NEMP2: variants seen among roughly 807,000 people sequenced by gnomAD.
The protein encoded by NEMP2 is nuclear envelope integral membrane protein 2.
A neutral mutation model predicts 54.2 loss-of-function variants in NEMP2; 53 were observed. The observed-to-expected ratio is 0.98, with a 90% CI of 0.78 to 1.23. The LOEUF is 1.23. Ranked by LOEUF, NEMP2 falls within the 50% of genes most tolerant of loss-of-function variation. The pLI is 0.00. For missense variants in NEMP2, 455 were observed against 511.3 expected, an observed-to-expected ratio of 0.89 and a Z score of 1.06; for synonymous variants, 197 against 190.3, an observed-to-expected ratio of 1.04 and a Z score of -0.29.
the NEMP2 span, among the ~76,000 whole-genome samples, chr2:190,456,686 C>G: frequency 6.6e-6 from 1 of 152,224 alleles, no homozygotes; most frequent in East Asian, 1.9e-4. The surrounding 1 kb of genome is among the most constrained non-coding windows in gnomAD (Gnocchi z 5.4). Flanking sequence ...GCATCCACTT[C>G]TGATTATTTA....
chr2:190,454,863 T>C, the NEMP2 span, among the ~76,000 whole-genome samples: 3 of 151,970 alleles, frequency 2.0e-5, no homozygotes, highest in Non-Finnish European at 4.4e-5. This position sits in a 1 kb window ranked among gnomAD's most constrained non-coding sequence, Gnocchi z 4.6. Flanking sequence ...CATAGTGGGA[T>C]GATGGTAGGA....
the NEMP2 span, among the ~76,000 whole-genome samples, chr2:190,471,275 G>A: frequency 6.6e-6 from 1 of 152,216 alleles, no homozygotes; most frequent in Non-Finnish European, 1.5e-5. The surrounding 1 kb of genome is among the most constrained non-coding windows in gnomAD (Gnocchi z 4.7). Flanking sequence ...GTGAGCGTGA[G>A]CTGAAGCAGG....
the NEMP2 span, among the ~76,000 whole-genome samples, chr2:190,483,532 T>C: frequency 6.6e-6 from 1 of 152,132 alleles, no homozygotes; most frequent in African/African-American, 2.4e-5. Flanking sequence ...AGTAAGCTGA[T>C]GTGATAATAT....
At chr2:190,477,844 G>A in the NEMP2 span, among the ~76,000 whole-genome samples, 2 of 152,168 alleles carry the variant, frequency 1.3e-5, no homozygotes. Context: ...GTGGGAGGAT[G>A]AAGACTGTAT....
chr2:190,473,614 A>T, the NEMP2 span, among the ~76,000 whole-genome samples: 1 of 152,162 alleles, frequency 6.6e-6, no homozygotes, highest in Non-Finnish European at 1.5e-5. Context: ...CTCCCACACA[A>T]TAATAATTGG....
the NEMP2 span, among the ~76,000 whole-genome samples, chr2:190,475,820 G>A: frequency 1.3e-5 from 2 of 152,126 alleles, no homozygotes; most frequent in Admixed American, 6.5e-5. Flanking sequence ...TATACTACAA[G>A]CCTACAGTAA....
the NEMP2 span, chr2:190,477,109 A>T: frequency 4.8e-6 from 1 of 207,616 alleles, no homozygotes; most frequent in African/African-American, 2.4e-5. Flanking sequence ...ATGTTAAATG[A>T]CGAGTTAATG....
chr2:190,474,313 C>T, the NEMP2 span, among the ~76,000 whole-genome samples: 241 of 151,676 alleles, frequency 1.6e-3, 2 homozygotes, highest in African/African-American at 3.5e-3. Context: ...ATTGATAGAC[C>T]GCTAGCAAGA....
At chr2:190,631,620 T>C in the NEMP2 span, among the ~76,000 whole-genome samples, 1 of 152,264 alleles carries the variant, frequency 6.6e-6, no homozygotes, top group Admixed American at 6.5e-5. Flanking sequence ...AATATTTGGA[T>C]AATATAGATC....
At position 190,524,550 on chromosome 2, in the gene NEMP2, G is replaced by A. The variant is rs139268546; in HGVS notation, c.213+713C>T. ...ACACCCTTCCCCCCAGTACCTTGTT[G>A]GTTAACTCACTCCACTGAAATCTTC... On this transcript the variant is annotated intron_variant, in intron 2 of 8. Transcript: ENST00000409150. 6.7e-3 allele frequency among the ~76,000 whole-genome samples: 1,020 copies of A among 152,180 alleles called. 8 individuals carry two copies. Among genetic ancestry groups the A allele is most frequent in the South Asian group, 0.025 (120 of 4,798 alleles).
At chr2:190,516,506 A>G (rs1357718344) in intron 5 of NEMP2, 122 bp from the exon 6 acceptor site, 4 of 702,138 alleles carry the variant, frequency 5.7e-6, no homozygotes, top group Non-Finnish European at 9.4e-6. Context: ...AAGTCAATTT[A>G]AGAAACTCCC....
chr2:190,503,069 T>A (rs571516533), downstream of NEMP2, among the ~76,000 whole-genome samples: 1 of 152,332 alleles, frequency 6.6e-6, no homozygotes, highest in South Asian at 2.1e-4. This position sits in a 1 kb window ranked among gnomAD's most constrained non-coding sequence, Gnocchi z 6.3. Context: ...TTACCATACA[T>A]GCCTGATATG....
At chr2:190,537,469 TCTCTC>T (rs1334921383), upstream of NEMP2, among the ~76,000 whole-genome samples, 1 of 152,182 alleles carries the variant, frequency 6.6e-6, no homozygotes, top group African/African-American at 2.4e-5. Context: ...ACTCAGCACT[TCTCTC>T]CTGCTGCCTT....
chr2:190,534,635 C>A lies in NEMP2; in HGVS notation c.21G>T (p.Arg7=). 1 of 1,346,530 alleles carries A rather than the reference C, an allele frequency of 7.4e-7. No homozygotes were observed. Among genetic ancestry groups the A allele is most frequent in the Non-Finnish European group, 9.5e-7 (1 of 1,053,458 alleles). 83.4% of individuals were successfully genotyped at this position (1,346,530 alleles called of 1,614,324 possible). The change falls in exon 1 of 9, where the codon CGG becomes CGT. Residue 7 remains arginine, a synonymous_variant. Transcript: ENST00000409150. MGPRQG[R]WWLLLWLPPL... The stretch of plus-strand genomic sequence containing the variant: ...GCGGCAGCCAGAGCAGCAGCCACCA[C>A]CGCCCTTGGCGCGGCCCCATTTCGT...
the NEMP2 span, chr2:190,477,225 A>G: frequency 2.0e-6 from 2 of 976,728 alleles, no homozygotes; most frequent in Non-Finnish European, 2.4e-6. Context: ...ACAATGCATT[A>G]AACAGGAACT....
In NEMP2 at chr2:190,529,130, TCACAC is replaced by T. The variant is rs1691050510; in HGVS notation, c.98-3757_98-3753del. Among the ~76,000 whole-genome samples, 1 of 152,126 alleles carries T rather than the reference TCACAC, an allele frequency of 6.6e-6. No individual in the cohort carries two copies. The highest frequency in any genetic ancestry group is 2.4e-5 in the African/African-American group (1 of 41,406). ...GAGGCGAGGTTGCAGTGAGCTGAGA[TCACAC>T]CACTGCACTCCAGCCTGGGCGACAG... On this transcript the variant is annotated intron_variant, in intron 1 of 8. Coordinates refer to ENST00000409150, the MANE Select transcript of NEMP2 (RefSeq NM_001142645.2). The surrounding 1 kb of genome is among the most constrained non-coding windows in gnomAD (Gnocchi z 4.7).
At chr2:190,428,166 A>G in the NEMP2 span, among the ~76,000 whole-genome samples, 1 of 152,082 alleles carries the variant, frequency 6.6e-6, no homozygotes, top group Admixed American at 6.5e-5. Context: ...CATCCTTGTC[A>G]CTGCATGTAG....
chr2:190,534,398 G>C (rs1451766224), intron 1 of NEMP2, 161 bp downstream of exon 1: 4 of 1,211,470 alleles, frequency 3.3e-6, no homozygotes, highest in Non-Finnish European at 4.1e-6. Flanking sequence ...GACAGGAAGG[G>C]CGGGCGGGGC....
At chr2:190,430,794 AGGCGC>A in the NEMP2 span, among the ~76,000 whole-genome samples, 1 of 64,406 alleles carries the variant, frequency 1.6e-5, no homozygotes, top group African/African-American at 5.7e-5. Context: ...GGGCGGGCAG[AGGCGC>A]CCCCCCCACC....
Sources: gnomAD v4.1 joint callset for allele counts (sites outside exome capture counted in the v4.1 genomes callset) on GRCh38, gnomAD v4.1.1 for gene constraint, Gnocchi (gnomAD v3.1) non-coding constraint, MANE v1.5 for transcripts, NCBI Gene and HGNC (gene_info 2026-07-23, HGNC 2026-07-21) for gene names.